The following NALF1 variants were observed in gnomAD, a reference collection of about 807,000 sequenced individuals.
NALF1 encodes the protein family with sequence similarity 155 member A.
A neutral mutation model predicts 48.4 loss-of-function variants in NALF1; 3 were observed. The observed-to-expected ratio is 0.06, with a 90% confidence interval of 0.03 to 0.16. The LOEUF (loss-of-function observed/expected upper bound fraction) is 0.16, where lower values mean the gene tolerates loss of function less well. Among genes scored for constraint, NALF1 ranks in the 10% least tolerant of loss-of-function variants. NALF1 has a pLI of 1.00. For missense variants in NALF1, 526 were observed against 571.5 expected (o/e 0.92, Z 0.81); for synonymous variants, 262 against 245.7 (o/e 1.07, Z -0.62).
At chr13:107,624,148 C>A (rs1434382516) in intron 1 of NALF1, among the ~76,000 whole-genome samples, 1 of 152,108 alleles carries the variant, frequency 6.6e-6, no homozygotes, top group African/African-American at 2.4e-5. Context: ...AACAAGACAA[C>A]TGAGGTTCAG....
At chr13:107,424,639 G>C (rs1594055733) in intron 1 of NALF1, among the ~76,000 whole-genome samples, 1 of 152,082 alleles carries the variant, frequency 6.6e-6, no homozygotes. Context: ...AGGAAGGAGA[G>C]CAATGACAGT....
chr13:107,245,586 T>C (rs1250927509), intron 1 of NALF1, among the ~76,000 whole-genome samples: 1 of 152,198 alleles, frequency 6.6e-6, no homozygotes, highest in East Asian at 1.9e-4. Context: ...TAAATATTCT[T>C]TTTGCTGTTT....
At chr13:107,632,143 G>T (rs570772871) in intron 1 of NALF1, among the ~76,000 whole-genome samples, 202 of 152,204 alleles carry the variant, frequency 1.3e-3, no homozygotes, top group African/African-American at 4.4e-3. Flanking sequence ...CCACATCAGG[G>T]TATTATAAGT....
chr13:107,798,594 ATATT>A (rs1878504830), intron 1 of NALF1, among the ~76,000 whole-genome samples: 1 of 152,124 alleles, frequency 6.6e-6, no homozygotes, highest in African/African-American at 2.4e-5. Context: ...ATTTTGAAAT[ATATT>A]TAAGAAGCAG....
chr13:107,226,994 T>C (rs1431707710), intron 1 of NALF1, among the ~76,000 whole-genome samples: 1 of 152,252 alleles, frequency 6.6e-6, no homozygotes, highest in African/African-American at 2.4e-5. Context: ...TTTGTTGCTA[T>C]ACATATTGTA....
chr13:107,312,504 T>A (rs1417970154), intron 1 of NALF1, among the ~76,000 whole-genome samples: 1 of 152,000 alleles, frequency 6.6e-6, no homozygotes, highest in Non-Finnish European at 1.5e-5. Context: ...CACACCAACA[T>A]GGCACATGTA....
chr13:107,300,795 C>G (rs1881821661), intron 1 of NALF1, among the ~76,000 whole-genome samples: 1 of 152,100 alleles, frequency 6.6e-6, no homozygotes, highest in Admixed American at 6.5e-5. Context: ...GGTTTACCTA[C>G]CTCTGGCAGG....
In NALF1 at chr13:107,682,917, A is replaced by T. The variant is rs74112556; in HGVS notation, c.915+182765T>A. 7.7e-3 allele frequency among the ~76,000 whole-genome samples: 1,167 copies of T among 152,288 alleles called. 11 individuals carry two copies. The highest frequency in any genetic ancestry group is 0.026 in the African/African-American group (1,083 of 41,544). ...TGTTTGTTTTAATTATAAATGCAAA[A>T]TTAAATTATGTTTAGGGCCAATTTT... On this transcript the variant is annotated intron_variant, in intron 1 of 2. Transcript: ENST00000375915.
intron 1 of NALF1, among the ~76,000 whole-genome samples, chr13:107,584,105 A>G (rs1878387016): frequency 6.6e-6 from 1 of 152,164 alleles, no homozygotes; most frequent in Non-Finnish European, 1.5e-5. Context: ...ATCGTTTAAA[A>G]ATGTGCTATG....
chr13:107,182,136 T>C (rs1879076306), intron 2 of NALF1, among the ~76,000 whole-genome samples: 1 of 152,188 alleles, frequency 6.6e-6, no homozygotes, highest in South Asian at 2.1e-4. Flanking sequence ...CATCGCCTAA[T>C]CACATTTTTA....
At chr13:107,745,759 T>A (rs1357509538) in intron 1 of NALF1, among the ~76,000 whole-genome samples, 1 of 152,170 alleles carries the variant, frequency 6.6e-6, no homozygotes, top group African/African-American at 2.4e-5. Flanking sequence ...CCGCATGTTG[T>A]GGAAGGGACC....
At chr13:107,757,251 T>C (rs774503482) in intron 1 of NALF1, among the ~76,000 whole-genome samples, 12 of 151,932 alleles carry the variant, frequency 7.9e-5, no homozygotes, top group Non-Finnish European at 1.3e-4. Context: ...TAACATAAGG[T>C]AGGAAGATGG....
chr13:107,864,529 G>A (rs1486824871), intron 1 of NALF1, among the ~76,000 whole-genome samples: 1 of 152,188 alleles, frequency 6.6e-6, no homozygotes, highest in Non-Finnish European at 1.5e-5. Flanking sequence ...TTGTATATGG[G>A]ATTGGGAAAG....
chr13:107,374,170 C>T (rs9520417), intron 1 of NALF1, among the ~76,000 whole-genome samples: 5,585 of 152,186 alleles, frequency 0.037, 100 homozygotes, highest in African/African-American at 0.051. Context: ...TACTTTCCTA[C>T]GCAAGTACTT....
intron 1 of NALF1, among the ~76,000 whole-genome samples, chr13:107,680,034 G>A (rs1881238516): frequency 6.6e-6 from 1 of 152,084 alleles, no homozygotes; most frequent in African/African-American, 2.4e-5. Flanking sequence ...CATCAGAAGG[G>A]GTGGGAGACC....
At chr13:107,606,307 C>T (rs1169259269) in intron 1 of NALF1, among the ~76,000 whole-genome samples, 5 of 151,226 alleles carry the variant, frequency 3.3e-5, no homozygotes, top group Non-Finnish European at 7.4e-5. Context: ...TGTATGTATA[C>T]ATATATAGAT....
At chr13:107,525,683 T>C (rs9559053) in intron 1 of NALF1, among the ~76,000 whole-genome samples, 89,617 of 151,918 alleles carry the variant, frequency 0.59, 28,774 homozygotes, top group Non-Finnish European at 0.7. Flanking sequence ...TTATAAGAAA[T>C]TGACAATCTG....
intron 1 of NALF1, among the ~76,000 whole-genome samples, chr13:107,582,869 G>A (rs902108324): frequency 2.6e-5 from 4 of 151,994 alleles, no homozygotes; most frequent in African/African-American, 4.8e-5. Flanking sequence ...ATGAGTCTAC[G>A]CGTGCACATC....
At chr13:107,560,195 A>G (rs1431935108) in intron 1 of NALF1, among the ~76,000 whole-genome samples, 1 of 152,166 alleles carries the variant, frequency 6.6e-6, no homozygotes, top group East Asian at 1.9e-4. Flanking sequence ...GGTTTCCAGG[A>G]ATGTGCATTT....
Sources: allele counts gnomAD v4.1 joint callset (sites outside exome capture counted in the v4.1 genomes callset), GRCh38; gene constraint gnomAD v4.1.1; transcripts MANE v1.5; gene names NCBI Gene and HGNC (gene_info 2026-07-23, HGNC 2026-07-21).